Variants in MARCHF10 observed in about 807,000 individuals in gnomAD.
MARCHF10 encodes probable E3 ubiquitin-protein ligase MARCHF10.
In MARCHF10, 64 loss-of-function variants were observed where a neutral mutation model predicts 76.2. The ratio of observed to expected loss-of-function variants is 0.84; its 90% CI spans 0.69 to 1.03. MARCHF10 has a LOEUF of 1.03. Among genes scored for constraint, MARCHF10 ranks in the 50% least tolerant of loss-of-function variants. The pLI, the probability that MARCHF10 is intolerant of heterozygous loss-of-function variation, is 0.00. For synonymous variants in MARCHF10, 340 were observed against 357.5 expected, an observed-to-expected ratio of 0.95 and a Z score of 0.55; for missense variants, 875 against 958.0, an observed-to-expected ratio of 0.91 and a Z score of 1.14.
chr17:62,792,162 T>A (rs528452166), intron 2 of MARCHF10, among the ~76,000 whole-genome samples: 2 of 151,702 alleles, frequency 1.3e-5, no homozygotes, highest in Non-Finnish European at 2.9e-5. Context: ...GACTACAGCA[T>A]ACGTAGTCGG....
intron 2 of MARCHF10, among the ~76,000 whole-genome samples, chr17:62,797,730 T>C (rs933789090): frequency 8.5e-5 from 13 of 152,150 alleles, no homozygotes; most frequent in African/African-American, 2.7e-4. Context: ...TATATTCCAA[T>C]GGTATCGCCA....
At position 62,724,980 on chromosome 17, in the gene MARCHF10, G is replaced by T; in HGVS notation, c.2062C>A (p.Gln688Lys). 1.2e-6 allele frequency: 2 copies of T among 1,612,134 alleles called. No individual in the cohort carries two copies. Among genetic ancestry groups the T allele is most frequent in the Non-Finnish European group, 1.7e-6 (2 of 1,179,328 alleles). The change falls in exon 7 of 11, where the codon CAA (glutamine) becomes AAA (lysine). Residue 688 changes from glutamine to lysine, a missense_variant. Transcript: ENST00000311269. The stretch of plus-strand genomic sequence containing the variant: ...TTCAGCCACTTTTTCAGGCACTCTT[G>T]ATGAACAAACTGCAGGCTTCCCACA... ...GCVGSLQFVH[Q>K]ECLKKWLKVK...
At chr17:62,720,757 C>T (rs1264859107) in intron 8 of MARCHF10, among the ~76,000 whole-genome samples, 1 of 152,078 alleles carries the variant, frequency 6.6e-6, no homozygotes, top group Non-Finnish European at 1.5e-5. Flanking sequence ...GACTTGTCTA[C>T]ACTGAGCATC....
At chr17:62,769,306 T>C (rs2092397806) in intron 3 of MARCHF10, among the ~76,000 whole-genome samples, 1 of 152,248 alleles carries the variant, frequency 6.6e-6, no homozygotes. Context: ...TTGAATAGCC[T>C]GTCCCTAAGT....
chr17:62,716,891 G>A (rs968338658), intron 8 of MARCHF10, among the ~76,000 whole-genome samples: 2 of 152,040 alleles, frequency 1.3e-5, no homozygotes, highest in African/African-American at 4.8e-5. Flanking sequence ...CATTTGCCAA[G>A]GACAAGCAGC....
At chr17:62,799,113 A>G (rs1263557419) in intron 2 of MARCHF10, among the ~76,000 whole-genome samples, 1 of 152,214 alleles carries the variant, frequency 6.6e-6, no homozygotes, top group Non-Finnish European at 1.5e-5. Context: ...AATCGTGATG[A>G]TAACAGAGGG....
At chr17:62,715,705 C>G (rs767738094) in intron 8 of MARCHF10, among the ~76,000 whole-genome samples, 9 of 152,232 alleles carry the variant, frequency 5.9e-5, no homozygotes, top group Non-Finnish European at 1.3e-4. Context: ...CCTGGGGTCC[C>G]ACAGCTGCTC....
At chr17:62,744,885 T>G (rs1016642631) in intron 4 of MARCHF10, among the ~76,000 whole-genome samples, 2 of 150,648 alleles carry the variant, frequency 1.3e-5, no homozygotes, top group Non-Finnish European at 2.9e-5. Context: ...TGGTGGCGCA[T>G]GCCTGTAGTC....
At chr17:62,804,321 C>T (rs75477106) in intron 1 of MARCHF10, among the ~76,000 whole-genome samples, 4,527 of 152,108 alleles carry the variant, frequency 0.03, 253 homozygotes, top group African/African-American at 0.11. Flanking sequence ...GATTTGGGCA[C>T]TGCTGGCATT....
At chr17:62,766,360 C>T (rs887942054) in intron 3 of MARCHF10, among the ~76,000 whole-genome samples, 11 of 151,982 alleles carry the variant, frequency 7.2e-5, no homozygotes, top group Non-Finnish European at 2.9e-5. Context: ...ATTAGCTGGG[C>T]ATGGTGGTGC....
chr17:62,742,263 G>A (rs565256556), intron 5 of MARCHF10, among the ~76,000 whole-genome samples: 256 of 145,452 alleles, frequency 1.8e-3, no homozygotes, highest in African/African-American at 5.2e-3. Flanking sequence ...CAAATGATCC[G>A]CCCACCTCAG....
intron 3 of MARCHF10, among the ~76,000 whole-genome samples, chr17:62,787,763 T>C (rs1041379889): frequency 2.6e-5 from 4 of 152,024 alleles, no homozygotes; most frequent in African/African-American, 9.7e-5. Flanking sequence ...GATAGATAGA[T>C]AGATAGATAG....
intron 8 of MARCHF10, among the ~76,000 whole-genome samples, chr17:62,713,670 C>T (rs911774512): frequency 3.9e-5 from 6 of 152,196 alleles, no homozygotes; most frequent in Admixed American, 6.5e-5. Context: ...AGAGTTCCAC[C>T]GCACTTGGCT....
rs770655087 is a variant in MARCHF10, at chr17:62,801,785, T to TA, written c.-17-34dup. ...GAAAAGATAAACAAATGTGCTGTGT[T>TA]AGAGTCCTTTGTCGTGATGCCGTAT... On this transcript the variant is annotated intron_variant, in intron 1 of 10. Transcript: ENST00000311269. The TA allele has an allele frequency of 4.7e-5, 69 of 1,473,956 alleles. No homozygotes were observed. The East Asian group carries it at 7.0e-4, about 15-fold the overall frequency. The allele number at this position is 1,473,956 out of a possible 1,614,324, so 91.3% of individuals were successfully genotyped here.
intron 2 of MARCHF10, among the ~76,000 whole-genome samples, chr17:62,793,811 CCACCACCAACACCTCCAT>C (rs1286470568): frequency 1.3e-5 from 2 of 149,624 alleles, no homozygotes; most frequent in African/African-American, 5.0e-5. Flanking sequence ...CCTCCATCGA[CCACCACCAACACCTCCAT>C]CACCACCAAC....
intron 3 of MARCHF10, among the ~76,000 whole-genome samples, chr17:62,763,745 C>G (rs73992054): frequency 1.6e-3 from 250 of 152,282 alleles, no homozygotes; most frequent in African/African-American, 5.8e-3. Flanking sequence ...CAAAACCCAA[C>G]CTACGTGACA....
At chr17:62,786,505 C>A (rs987298357) in intron 3 of MARCHF10, among the ~76,000 whole-genome samples, 1 of 152,108 alleles carries the variant, frequency 6.6e-6, no homozygotes, top group African/African-American at 2.4e-5. Context: ...ACGTTGTGCA[C>A]ATGTACCCTA....
At chr17:62,725,149 G>T (rs767712989) in intron 6 of MARCHF10, 45 bp from the exon 7 acceptor site, 12 of 1,518,944 alleles carry the variant, frequency 7.9e-6, no homozygotes, top group Non-Finnish European at 1.1e-5. Context: ...CTACACGTTT[G>T]CAGTTTCTAC....
intron 1 of MARCHF10, 79 bp from the exon 2 acceptor site, chr17:62,801,831 T>G: frequency 9.7e-7 from 1 of 1,029,484 alleles, no homozygotes; most frequent in Non-Finnish European, 1.5e-6. Context: ...TTTCATCTAA[T>G]TGCTTTTATT....
Sources: allele counts gnomAD v4.1 joint callset (sites outside exome capture counted in the v4.1 genomes callset), GRCh38; gene constraint gnomAD v4.1.1; transcripts MANE v1.5; gene names NCBI Gene and HGNC (gene_info 2026-07-23, HGNC 2026-07-21).